The following ZNF682 variants were observed in gnomAD, a reference collection of about 807,000 sequenced individuals.
The protein encoded by ZNF682 is zinc finger protein 682.
A neutral mutation model predicts 36.5 loss-of-function variants in ZNF682; 29 were observed. The observed-to-expected ratio is 0.80, with a 90% confidence interval of 0.59 to 1.08. The LOEUF is 1.08. Ranked by LOEUF, ZNF682 falls within the 50% of genes least tolerant of loss-of-function variation. The pLI, the probability that ZNF682 is intolerant of heterozygous loss-of-function variation, is 0.00. For missense variants in ZNF682, 561 were observed against 579.7 expected (o/e 0.97, Z 0.33); for synonymous variants, 180 against 197.0 (o/e 0.91, Z 0.72).
chr19:20,031,178 A>G (rs2088476609), intron 1 of ZNF682: 1 of 152,246 alleles, frequency 6.6e-6, no homozygotes, highest in Non-Finnish European at 1.5e-5. Context: ...CCCATATGTG[A>G]TATCACCTGT....
chr19:20,021,214 T>G (rs575872007), intron 3 of ZNF682, among the ~76,000 whole-genome samples: 1 of 152,328 alleles, frequency 6.6e-6, no homozygotes, highest in Non-Finnish European at 1.5e-5. Context: ...AGGACATGAG[T>G]TGGACAAACG....
rs1245063654 is a variant in ZNF682 at position 20,004,877 on chromosome 19, T to C, written c.*1128A>G. 4 of 152,194 alleles carry C rather than the reference T, an allele frequency of 2.6e-5. No individual in the cohort carries two copies. Among genetic ancestry groups the C allele is most frequent in the African/African-American group, 7.2e-5 (3 of 41,456 alleles). 9.4% of individuals were successfully genotyped at this position (152,194 alleles called of 1,614,324 possible). Reference sequence around the variant, plus strand: ...TATAATTGTTTAAGTCTCAAAATATTAATCTCCTATTTCTGTTTAGGCTAA... The same window carrying C: ...TATAATTGTTTAAGTCTCAAAATATCAATCTCCTATTTCTGTTTAGGCTAA... On this transcript the variant is annotated 3_prime_UTR_variant, in exon 4 of 4. Transcript: ENST00000397165.
intron 3 of ZNF682, among the ~76,000 whole-genome samples, chr19:20,019,605 A>C (rs1427331909): frequency 6.6e-6 from 1 of 152,192 alleles, no homozygotes; most frequent in Admixed American, 6.5e-5. Context: ...TAAGGAACTC[A>C]TACAAATCAA....
In ZNF682 at chr19:20,006,255, T is replaced by C; in HGVS notation, c.1247A>G (p.Lys416Arg). ...FNWSSILTEH[K>R]RIHTGEKPYN... Reference sequence around the variant, plus strand: ...GGGTTTCTCTCCAGTATGAATTCTCTTATGTTCAGTAAGGATTGAGGACCA... The same window carrying C: ...GGGTTTCTCTCCAGTATGAATTCTCCTATGTTCAGTAAGGATTGAGGACCA... The change falls in exon 4 of 4, where the codon AAG becomes AGG. Residue 416 changes from lysine to arginine, a missense_variant. By Grantham distance (26) the Lys-to-Arg change is conservative. Transcript: ENST00000397165. The C allele has an allele frequency of 1.9e-6, 3 of 1,613,826 alleles. No individual in the cohort carries two copies. The highest frequency in any genetic ancestry group is 2.5e-6 in the Non-Finnish European group (3 of 1,179,964).
chr19:20,033,095 G>A (rs550505714), intron 1 of ZNF682, among the ~76,000 whole-genome samples: 6 of 152,154 alleles, frequency 3.9e-5, no homozygotes, highest in Admixed American at 6.5e-5. Context: ...GTGAAACCCC[G>A]CCTTTACTAA....
chr19:20,021,441 G>A (rs2088382896), intron 3 of ZNF682, among the ~76,000 whole-genome samples: 1 of 151,866 alleles, frequency 6.6e-6, no homozygotes, highest in East Asian at 2.0e-4. Flanking sequence ...CCAAGATTGC[G>A]CCACTGCACT....
chr19:20,017,038 A>G (rs2088340330), intron 3 of ZNF682, among the ~76,000 whole-genome samples: 1 of 152,156 alleles, frequency 6.6e-6, no homozygotes, highest in Non-Finnish European at 1.5e-5. Flanking sequence ...TCATTTTTCA[A>G]GGTGATCACA....
At chr19:20,014,476 A>G (rs2088317333) in intron 3 of ZNF682, among the ~76,000 whole-genome samples, 1 of 152,174 alleles carries the variant, frequency 6.6e-6, no homozygotes, top group African/African-American at 2.4e-5. Context: ...CAGCTTTTAA[A>G]AAGCAGAAAA....
At chr19:20,034,834 T>C (rs923896333) in intron 1 of ZNF682, among the ~76,000 whole-genome samples, 1 of 151,458 alleles carries the variant, frequency 6.6e-6, no homozygotes, top group Non-Finnish European at 1.5e-5. Flanking sequence ...CGGTGGCTCA[T>C]GCCTGTAATC....
chr19:20,000,301 G>A (rs2088158254), downstream of ZNF682, among the ~76,000 whole-genome samples: 1 of 152,232 alleles, frequency 6.6e-6, no homozygotes, highest in South Asian at 2.1e-4. Context: ...ATGCTCAAGA[G>A]AGTAACATGC....
chr19:20,003,190 C>CAAAA (rs755953644), downstream of ZNF682, among the ~76,000 whole-genome samples: 663 of 33,122 alleles, frequency 0.02, 59 homozygotes, highest in Non-Finnish European at 0.024. Context: ...GACTCCGTCT[C>CAAAA]AAAAAAAAAA....
chr19:19,997,495 C>A (rs930180185), intron 3 of ZNF682, among the ~76,000 whole-genome samples: 1 of 152,170 alleles, frequency 6.6e-6, no homozygotes, highest in East Asian at 1.9e-4. Context: ...GGCATGGTCA[C>A]CCCAGAGGCA....
chr19:19,999,880 T>A (rs562719563), downstream of ZNF682, among the ~76,000 whole-genome samples: 1 of 152,136 alleles, frequency 6.6e-6, no homozygotes, highest in Non-Finnish European at 1.5e-5. Flanking sequence ...CCTGATAAAT[T>A]CCCTAGGAGG....
chr19:20,001,213 A>C (rs1210632842), downstream of ZNF682, among the ~76,000 whole-genome samples: 1 of 152,204 alleles, frequency 6.6e-6, no homozygotes, highest in Non-Finnish European at 1.5e-5. Context: ...ATGTTGCTAC[A>C]GTTTGTATTG....
At chr19:20,013,296 A>G (rs1293903426) in intron 3 of ZNF682, among the ~76,000 whole-genome samples, 1 of 152,016 alleles carries the variant, frequency 6.6e-6, no homozygotes, top group Admixed American at 6.5e-5. Flanking sequence ...ATAGAAAACT[A>G]TAACATATAT....
chr19:20,023,545 C>T (rs1412737670), intron 2 of ZNF682, among the ~76,000 whole-genome samples: 1 of 151,910 alleles, frequency 6.6e-6, no homozygotes, highest in Non-Finnish European at 1.5e-5. Flanking sequence ...TATTTCTAAA[C>T]AGAAAGTTTA....
At chr19:20,028,452 T>C (rs2088451589) in intron 1 of ZNF682, among the ~76,000 whole-genome samples, 1 of 152,134 alleles carries the variant, frequency 6.6e-6, no homozygotes, top group African/African-American at 2.4e-5. Flanking sequence ...CCTCAGGTGA[T>C]CCGCCCTTCT....
downstream of ZNF682, among the ~76,000 whole-genome samples, chr19:20,000,780 G>C (rs1414062893): frequency 6.6e-6 from 1 of 152,186 alleles, no homozygotes; most frequent in Non-Finnish European, 1.5e-5. Flanking sequence ...AAACAAGGCA[G>C]GCAATCAATC....
intron 3 of ZNF682, among the ~76,000 whole-genome samples, chr19:19,999,055 C>T (rs2088145880): frequency 1.3e-5 from 2 of 151,924 alleles, no homozygotes; most frequent in South Asian, 2.1e-4. Context: ...AAAAAGATAC[C>T]CCAGGGGGCT....
Sources: allele counts gnomAD v4.1 joint callset (sites outside exome capture counted in the v4.1 genomes callset), GRCh38; gene constraint gnomAD v4.1.1; transcripts MANE v1.5; gene names NCBI Gene and HGNC (gene_info 2026-07-23, HGNC 2026-07-21).